Variants in AFF1 observed in about 807,000 individuals in gnomAD.
The protein encoded by AFF1 is AF4/FMR2 family member 1.
Under a neutral mutation model 121.7 loss-of-function variants are expected in AFF1, and 48 were observed. The observed-to-expected ratio is 0.39, with a 90% CI of 0.31 to 0.50. The LOEUF (loss-of-function observed/expected upper bound fraction) is 0.50. Among genes scored for constraint, AFF1 ranks in the 20% least tolerant of loss-of-function variants. The probability of loss-of-function intolerance (pLI) is 0.76; values close to 1 mark genes in which losing one functional copy is unlikely to be tolerated. For synonymous variants in AFF1, 613 were observed against 563.0 expected (o/e 1.09, Z -1.26); for missense variants, 1,523 against 1,511.7 (o/e 1.01, Z -0.12).
At chr4:86,995,776 G>A (rs1054477787) in intron 2 of AFF1, among the ~76,000 whole-genome samples, 3 of 146,738 alleles carry the variant, frequency 2.0e-5, no homozygotes, top group South Asian at 2.2e-4. Context: ...GCCGCCCATC[G>A]TCTGGGATGT....
At chr4:87,045,331 G>T (rs190558727) in intron 2 of AFF1, among the ~76,000 whole-genome samples, 16 of 152,130 alleles carry the variant, frequency 1.1e-4, no homozygotes, top group African/African-American at 3.6e-4. Context: ...CATACATTGC[G>T]TGTGAGGGCT....
chr4:87,083,301 T>C (rs938013318), intron 4 of AFF1, among the ~76,000 whole-genome samples: 3 of 152,176 alleles, frequency 2.0e-5, no homozygotes, highest in Admixed American at 1.3e-4. Context: ...TCTAAGACAA[T>C]AATTAATCTC....
At chr4:86,948,444 C>T (rs888753696) in intron 1 of AFF1, 54 bp from the exon 2 acceptor site, 1 of 1,236,336 alleles carries the variant, frequency 8.1e-7, no homozygotes, top group African/African-American at 1.5e-5. Flanking sequence ...CATGCGTATC[C>T]CTGAATTTAC....
At chr4:87,112,935 T>G (rs148050462) in intron 11 of AFF1, among the ~76,000 whole-genome samples, 1 of 152,332 alleles carries the variant, frequency 6.6e-6, no homozygotes, top group Non-Finnish European at 1.5e-5. Flanking sequence ...ACACTAATAT[T>G]TTTCTATATG....
chr4:87,084,217 G>A (rs568480353), intron 5 of AFF1, 53 bp downstream of exon 5: 25 of 1,558,814 alleles, frequency 1.6e-5, no homozygotes, highest in African/African-American at 8.1e-5. Context: ...GTAGGTAGGC[G>A]TACATCCATT....
chr4:87,122,168 A>G (rs1727758005), intron 12 of AFF1, among the ~76,000 whole-genome samples: 1 of 152,210 alleles, frequency 6.6e-6, no homozygotes, highest in Non-Finnish European at 1.5e-5. Context: ...TGACTTTTCA[A>G]AGACAAAGTT....
rs1215177484 is a variant in AFF1 at position 86,951,607 on chromosome 4, TCTTTTTTC to T, written c.38+3037_38+3044del. On this transcript the variant is annotated intron_variant, in intron 2 of 20. Transcript: ENST00000395146. ...ATGTTAGGGAACTTTTTTTTCTTTTTCTTTTTTCTTTTTTTCTTTTTTTTTTTTTTTTT... is the reference window on the plus strand; with the variant it reads ...ATGTTAGGGAACTTTTTTTTCTTTTTTTTTTTTCTTTTTTTTTTTTTTTTT... Among the ~76,000 whole-genome samples, 192 of 90,728 alleles carry T rather than the reference TCTTTTTTC, an allele frequency of 2.1e-3. 2 individuals carry two copies. The highest frequency in any genetic ancestry group is 6.6e-3 in the African/African-American group (186 of 28,244). The allele number at this position is 90,728 out of a possible 152,430, so 59.5% of individuals were successfully genotyped here. A position where few individuals can be genotyped will look rare whatever the true frequency, so the allele number is the denominator to read the frequency against.
chr4:87,011,214 GGT>G (rs1367528064), intron 2 of AFF1, among the ~76,000 whole-genome samples: 1 of 152,110 alleles, frequency 6.6e-6, no homozygotes, highest in African/African-American at 2.4e-5. Context: ...AGTTGAATCT[GGT>G]GGCTGAGCAC....
At chr4:86,944,955 A>C (rs1243002409) in intron 1 of AFF1, among the ~76,000 whole-genome samples, 2 of 152,256 alleles carry the variant, frequency 1.3e-5, no homozygotes, top group East Asian at 3.8e-4. Context: ...TTAATTTCTG[A>C]ATAAATTTGG....
intron 2 of AFF1, among the ~76,000 whole-genome samples, chr4:87,025,424 C>CGA (rs1172634960): frequency 6.6e-6 from 1 of 152,214 alleles, no homozygotes; most frequent in Non-Finnish European, 1.5e-5. Context: ...GACAGCATCT[C>CGA]AGACGTGCCG....
intron 8 of AFF1, among the ~76,000 whole-genome samples, chr4:87,097,881 A>C (rs982523153): frequency 6.6e-5 from 10 of 152,200 alleles, no homozygotes; most frequent in African/African-American, 2.4e-4. Flanking sequence ...TTGTGTGGCA[A>C]ATCTCTTAGT....
chr4:87,019,888 G>GGGC (rs1553918035), intron 2 of AFF1, among the ~76,000 whole-genome samples: 1 of 41,456 alleles, frequency 2.4e-5, no homozygotes, highest in South Asian at 2.2e-3. Context: ...AGGGGTCGGG[G>GGGC]GGGGGCAGTC....
intron 2 of AFF1, among the ~76,000 whole-genome samples, chr4:86,986,096 C>T (rs922078721): frequency 2.2e-5 from 3 of 138,254 alleles, no homozygotes; most frequent in African/African-American, 8.2e-5. Flanking sequence ...AATTGGAGAC[C>T]GAATCTCACT....
At chr4:87,065,583 G>T (rs1449472983) in intron 4 of AFF1, among the ~76,000 whole-genome samples, 1 of 151,952 alleles carries the variant, frequency 6.6e-6, no homozygotes, top group Non-Finnish European at 1.5e-5. Context: ...ACGCAGTGCC[G>T]CTATCAAAGT....
chr4:87,022,977 A>ACC (rs911351359), intron 2 of AFF1, among the ~76,000 whole-genome samples: 1 of 152,024 alleles, frequency 6.6e-6, no homozygotes, highest in African/African-American at 2.4e-5. Flanking sequence ...ATCATAGCTT[A>ACC]CCGCAGCATT....
intron 2 of AFF1, among the ~76,000 whole-genome samples, chr4:86,959,286 C>G (rs1721972323): frequency 1.3e-5 from 2 of 151,928 alleles, no homozygotes; most frequent in Non-Finnish European, 2.9e-5. Context: ...GTGTTGGTTA[C>G]AAGAGTATAT....
At chr4:87,037,374 C>T (rs1440833854) in intron 2 of AFF1, among the ~76,000 whole-genome samples, 8 of 152,096 alleles carry the variant, frequency 5.3e-5, no homozygotes, top group Non-Finnish European at 2.9e-5. Flanking sequence ...TGCAGTGGCG[C>T]GTTCTCAGCT....
intron 8 of AFF1, among the ~76,000 whole-genome samples, chr4:87,096,862 G>A (rs1361391226): frequency 6.6e-6 from 1 of 152,158 alleles, no homozygotes; most frequent in Admixed American, 6.5e-5. Context: ...TCCTGCCGCA[G>A]CTTCCTGAGT....
In AFF1 at chr4:87,079,429, C is replaced by G. The variant is rs74834778; in HGVS notation, c.1060-4691C>G. 4.4e-3 allele frequency among the ~76,000 whole-genome samples: 676 copies of G among 152,316 alleles called. 3 individuals are homozygous for G. Among genetic ancestry groups the G allele is most frequent in the African/African-American group, 0.016 (654 of 41,564 alleles). On this transcript the variant is annotated intron_variant, in intron 4 of 20. Coordinates refer to ENST00000395146, the MANE Select transcript of AFF1 (RefSeq NM_001166693.3). ...GCCACGGCCAGCATTGCTGCCTTTT[C>G]TGGTCCGAAGCACTGGTAGTAGGAA...
Sources: allele counts gnomAD v4.1 joint callset (sites outside exome capture counted in the v4.1 genomes callset), GRCh38; gene constraint gnomAD v4.1.1; transcripts MANE v1.5; gene names NCBI Gene and HGNC (gene_info 2026-07-23, HGNC 2026-07-21).